MYO18A: variants seen among roughly 807,000 people sequenced by gnomAD.
MYO18A encodes the protein unconventional myosin-XVIIIa.
A neutral mutation model predicts 235.8 loss-of-function variants in MYO18A; 78 were observed. That is an observed-to-expected ratio of 0.33 (90% CI 0.28 to 0.40). The LOEUF is 0.40. Ranked by LOEUF, MYO18A falls within the 10% of genes least tolerant of loss-of-function variation. The pLI, the probability that MYO18A is intolerant of heterozygous loss-of-function variation, is 1.00. For missense variants in MYO18A, 2,215 were observed against 2,699.3 expected, an observed-to-expected ratio of 0.82 and a Z score of 3.98; for synonymous variants, 977 against 1,077.8, an observed-to-expected ratio of 0.91 and a Z score of 1.83.
At position 29,160,996 on chromosome 17, in the gene MYO18A, T is replaced by C. The variant is rs114175647; in HGVS notation, c.999+4946A>G. Among the ~76,000 whole-genome samples, 950 of 152,282 alleles carry C rather than the reference T, an allele frequency of 6.2e-3. 11 individuals are homozygous for C. Among genetic ancestry groups the C allele is most frequent in the African/African-American group, 0.022 (915 of 41,558 alleles). On this transcript the variant is annotated intron_variant, in intron 2 of 41. Transcript: ENST00000527372. ...ACTTGGGAGGCCTGAGGCAGGTAGATAGCTTGAGCTCAGGAGTTTGAGACC... is the reference window on the plus strand; with the variant it reads ...ACTTGGGAGGCCTGAGGCAGGTAGACAGCTTGAGCTCAGGAGTTTGAGACC...
chr17:29,112,776 CT>C (rs764809279), intron 15 of MYO18A, among the ~76,000 whole-genome samples: 28 of 152,232 alleles, frequency 1.8e-4, no homozygotes, highest in Non-Finnish European at 4.0e-4. Flanking sequence ...CATTTTTCCT[CT>C]CTTTGACCCC....
rs2065897748 is a variant in MYO18A, at chr17:29,072,607, T to G, written c.*2163A>C. 6.6e-6 allele frequency: 1 copy of G among 152,234 alleles called. No homozygotes were observed. Among genetic ancestry groups the G allele is most frequent in the Non-Finnish European group, 1.5e-5 (1 of 68,070 alleles). 9.4% of individuals were successfully genotyped at this position (152,234 alleles called of 1,614,324 possible). ...TCGTGGGGCAATGGAGGGGGCAGTC[T>G]CTGTTCGAGACAGATCCACTTCACA... On this transcript the variant is annotated 3_prime_UTR_variant, in exon 42 of 42. Coordinates refer to ENST00000527372, the MANE Select transcript of MYO18A (RefSeq NM_078471.4).
intron 2 of MYO18A, among the ~76,000 whole-genome samples, chr17:29,153,435 A>C (rs749756980): frequency 1.3e-5 from 2 of 152,204 alleles, no homozygotes; most frequent in Non-Finnish European, 2.9e-5. Flanking sequence ...GAACAACCAC[A>C]CTGGACTAAA....
rs1239447411 is a variant in MYO18A, at chr17:29,117,319, C to G, written c.2038+726G>C. ...TTCGTTACCACGGTGCCTGCTGCCC[C>G]CTAGTGGCCGCCACCCTGACATGCA... On this transcript the variant is annotated intron_variant, in intron 10 of 41. Transcript: ENST00000527372. This position sits in a 1 kb window ranked among gnomAD's most constrained non-coding sequence, Gnocchi z 4.6. 1.3e-5 allele frequency among the ~76,000 whole-genome samples: 2 copies of G among 152,190 alleles called. No homozygotes were observed. The highest frequency in any genetic ancestry group is 2.9e-5 in the Non-Finnish European group (2 of 68,036).
At position 29,118,830 on chromosome 17, in the gene MYO18A, G is replaced by A. The variant is rs996609416; in HGVS notation, c.1830-390C>T. Among the ~76,000 whole-genome samples, 3 of 152,212 alleles carry A rather than the reference G, an allele frequency of 2.0e-5. No individual in the cohort carries two copies. The highest frequency in any genetic ancestry group is 4.8e-5 in the African/African-American group (2 of 41,446). ...TTATCTCTTTTTAGTGAACACACGC[G>A]GCAAATCTGAATGTCTGAAGGGAAG... On this transcript the variant is annotated intron_variant, in intron 8 of 41. Transcript: ENST00000527372. This position sits in a 1 kb window ranked among gnomAD's most constrained non-coding sequence, Gnocchi z 4.2.
At chr17:29,176,967 A>T (rs2068547729) in intron 1 of MYO18A, among the ~76,000 whole-genome samples, 1 of 152,170 alleles carries the variant, frequency 6.6e-6, no homozygotes, top group Non-Finnish European at 1.5e-5. Flanking sequence ...GCCATGGAGG[A>T]ACGCGAGCGG....
rs777233133 is a variant in MYO18A, at chr17:29,114,074, G to A, written c.2535C>T (p.Asp845=). 3.6e-5 allele frequency: 58 copies of A among 1,600,834 alleles called. No homozygotes were observed. Among genetic ancestry groups the A allele is most frequent in the East Asian group, 4.5e-5 (2 of 44,056 alleles). ...YKEENIELAF[D]DLEPPTDDSV... ...AGTCATCCGTCGGGGGTTCCAAGTC[G>A]TCAAACGCCAGCTCGATGTTCTCCT... Residue 845 remains aspartate, a synonymous_variant, in exon 15 of 42, where the codon GAC becomes GAT. Transcript: ENST00000527372.
chr17:29,121,834 G>GC lies in MYO18A; in HGVS notation c.1194+16dup. 1 of 1,611,490 alleles carries GC rather than the reference G, an allele frequency of 6.2e-7. No homozygotes were observed. The highest frequency in any genetic ancestry group is 2.2e-5 in the East Asian group (1 of 44,868). On this transcript the variant is annotated intron_variant, in intron 4 of 41. Coordinates refer to ENST00000527372, the MANE Select transcript of MYO18A (RefSeq NM_078471.4). This position sits in a 1 kb window ranked among gnomAD's most constrained non-coding sequence, Gnocchi z 4.2. ...TCCTGAGCCTCCTCCCCCACACCCAGCCCCCTGCCCACCTACCTTCTCAAC... is the reference window on the plus strand; with the variant it reads ...TCCTGAGCCTCCTCCCCCACACCCAGCCCCCCTGCCCACCTACCTTCTCAAC...
At chr17:29,159,495 G>A (rs1270714528) in intron 2 of MYO18A, among the ~76,000 whole-genome samples, 5 of 152,100 alleles carry the variant, frequency 3.3e-5, no homozygotes, top group Non-Finnish European at 5.9e-5. Flanking sequence ...AACAGAAACA[G>A]AAACCAAAAA....
At chr17:29,105,238 G>A (rs928105917) in intron 20 of MYO18A, among the ~76,000 whole-genome samples, 3 of 151,630 alleles carry the variant, frequency 2.0e-5, no homozygotes, top group African/African-American at 7.3e-5. Flanking sequence ...GGGCGTGAGG[G>A]ATGAGAAGAC....
intron 15 of MYO18A, among the ~76,000 whole-genome samples, chr17:29,112,688 G>A (rs958110366): frequency 1.4e-4 from 22 of 152,372 alleles, no homozygotes; most frequent in Admixed American, 5.2e-4. Flanking sequence ...TTCTTGGGCA[G>A]GAAGGATGGA....
chr17:29,076,352 A>AAAAAAAAAAC, intron 41 of MYO18A: 1 of 151,736 alleles, frequency 6.6e-6, no homozygotes, highest in African/African-American at 2.4e-5. Context: ...AAAAAAAAAA[A>AAAAAAAAAAC]AAAAGGACCA....
At chr17:29,143,075 T>C (rs1278317334) in intron 2 of MYO18A, among the ~76,000 whole-genome samples, 2 of 152,244 alleles carry the variant, frequency 1.3e-5, no homozygotes, top group Non-Finnish European at 2.9e-5. Context: ...CCCAAAGTGC[T>C]GGGATTACAG....
chr17:29,164,401 G>A (rs1178129514), intron 2 of MYO18A, among the ~76,000 whole-genome samples: 11 of 152,182 alleles, frequency 7.2e-5, no homozygotes, highest in Non-Finnish European at 1.5e-4. Flanking sequence ...CTAGCTCCGG[G>A]TTAAAGGAAG....
At position 29,111,418 on chromosome 17, in the gene MYO18A, T is replaced by A; in HGVS notation, c.2900+6A>T. 1 of 1,611,198 alleles carries A rather than the reference T, an allele frequency of 6.2e-7. No homozygotes were observed. The highest frequency in any genetic ancestry group is 8.5e-7 in the Non-Finnish European group (1 of 1,178,926). On this transcript the variant is annotated splice_donor_region_variant and intron_variant, in intron 17 of 41. Coordinates refer to ENST00000527372, the MANE Select transcript of MYO18A (RefSeq NM_078471.4). The surrounding 1 kb of genome is among the most constrained non-coding windows in gnomAD (Gnocchi z 5.1). ...AGAACAGGGGCGGAGGGAGTGGTGG[T>A]CTTACTTCTGGGAGTCCTGCAGGAG...
intron 1 of MYO18A, 133 bp from the exon 2 acceptor site, chr17:29,167,154 A>G (rs2068303775): frequency 1.7e-6 from 1 of 571,610 alleles, no homozygotes; most frequent in Non-Finnish European, 2.9e-6. Flanking sequence ...GCCTTACCCA[A>G]TATTGTCTCC....
Position 29,110,611 on chromosome 17 carries a change from CTGA to C in MYO18A, c.2909_2911del (p.Ile970del). 1 of 1,602,566 alleles carries C rather than the reference CTGA, an allele frequency of 6.2e-7. No homozygotes were observed. Among genetic ancestry groups the C allele is most frequent in the Non-Finnish European group, 8.5e-7 (1 of 1,171,756 alleles). ...GCCTGCGCGGCCCAGAAACAGGTTG[CTGA>C]TGATTTTTCTGCCAGAGGTGGGAGG... On this transcript the variant is annotated inframe_deletion, in exon 18 of 42. Transcript: ENST00000527372.
intron 19 of MYO18A, among the ~76,000 whole-genome samples, chr17:29,108,059 T>TAGA (rs1192819086): frequency 6.6e-6 from 1 of 151,914 alleles, no homozygotes; most frequent in Non-Finnish European, 1.5e-5. Context: ...TTCTTCACCT[T>TAGA]TAAACAGCGG....
rs1458245195 is a variant in MYO18A, at chr17:29,091,021, A to ATT, written c.5188-96_5188-95insAA. The ATT allele has an allele frequency of 4.0e-6, 4 of 998,054 alleles. No homozygotes were observed. The East Asian group carries it at 9.6e-5, about 24-fold the overall frequency. 61.8% of individuals were successfully genotyped at this position (998,054 alleles called of 1,614,324 possible). A position where few individuals can be genotyped will look rare whatever the true frequency, so the allele number is the denominator to read the frequency against. The stretch of plus-strand genomic sequence containing the variant: ...TGGCAGGGGCATTGTAGAGAAGATG[A>ATT]TAATGGGCTGAGCCTGCCTGCTGGG... On this transcript the variant is annotated intron_variant, in intron 34 of 41. Transcript: ENST00000527372.
Sources: allele counts gnomAD v4.1 joint callset (sites outside exome capture counted in the v4.1 genomes callset), GRCh38; gene constraint gnomAD v4.1.1; non-coding constraint Gnocchi (gnomAD v3.1); transcripts MANE v1.5; gene names NCBI Gene and HGNC (gene_info 2026-07-23, HGNC 2026-07-21).